KIAA0586: variants seen among roughly 807,000 people sequenced by gnomAD.
KIAA0586 encodes the protein KIAA0586, also known as protein TALPID3.
In KIAA0586, 144 loss-of-function variants were observed where a neutral mutation model predicts 169.8. That is an observed-to-expected ratio of 0.85 (90% confidence interval 0.74 to 0.97). KIAA0586 has a LOEUF of 0.97. KIAA0586 is among the 50% of genes least tolerant of loss of function. KIAA0586 has a pLI of 0.00. For missense variants in KIAA0586, 1,854 were observed against 1,823.0 expected, an observed-to-expected ratio of 1.02 and a Z score of -0.31; for synonymous variants, 625 against 612.4, an observed-to-expected ratio of 1.02 and a Z score of -0.30.
intron 10 of KIAA0586, 119 bp from the exon 11 acceptor site, chr14:58,457,640 A>C: frequency 1.6e-6 from 1 of 621,924 alleles, no homozygotes; most frequent in Non-Finnish European, 2.7e-6. Context: ...TCAGTTTGAC[A>C]AATTGAGTCC....
In KIAA0586 at chr14:58,482,573, C is replaced by T; in HGVS notation, c.3005C>T (p.Ser1002Leu). 1.2e-6 allele frequency: 2 copies of T among 1,601,124 alleles called. No homozygotes were observed. The highest frequency in any genetic ancestry group is 1.7e-6 in the Non-Finnish European group (2 of 1,172,920). ...LFVDAGVPVN[S>L]NVIKHFVNEA... Reference sequence around the variant, plus strand: ...GTTGATGCTGGTGTTCCTGTGAACTCAAATGTGATTAAACATTTTGTTAAC... The same window carrying T: ...GTTGATGCTGGTGTTCCTGTGAACTTAAATGTGATTAAACATTTTGTTAAC... The change falls in exon 21 of 31, where the codon TCA (serine) becomes TTA (leucine). Residue 1002 changes from serine (S) to leucine (L), a missense_variant. Transcript: ENST00000652326.
chr14:58,520,307 A>G (rs1452931393), intron 29 of KIAA0586, among the ~76,000 whole-genome samples: 1 of 152,098 alleles, frequency 6.6e-6, no homozygotes, highest in Non-Finnish European at 1.5e-5. Context: ...CATTTTCTTC[A>G]CCCTAAAAAG....
chr14:58,441,652 G>A (rs558509681), intron 4 of KIAA0586, among the ~76,000 whole-genome samples: 4 of 152,080 alleles, frequency 2.6e-5, no homozygotes, highest in African/African-American at 7.2e-5. Context: ...TATTTTTCTG[G>A]AGACAGAGTC....
chr14:58,509,710 G>A (rs908097124), intron 28 of KIAA0586, among the ~76,000 whole-genome samples: 1 of 152,110 alleles, frequency 6.6e-6, no homozygotes, highest in Non-Finnish European at 1.5e-5. Flanking sequence ...GGAAAAACTA[G>A]TTAATAATGA....
chr14:58,469,069 G>A (rs778705955), intron 16 of KIAA0586, among the ~76,000 whole-genome samples: 11 of 152,070 alleles, frequency 7.2e-5, no homozygotes, highest in Non-Finnish European at 1.2e-4. Context: ...CTGAACAAAC[G>A]AACTATCCAT....
rs377345634 is a variant in KIAA0586, at chr14:58,538,119, G to A, written c.4430-1952G>A. 1.2e-4 allele frequency among the ~76,000 whole-genome samples: 18 copies of A among 152,244 alleles called. 1 individual carries two copies. The East Asian group carries it at 2.7e-3, about 23-fold the overall frequency. On this transcript the variant is annotated intron_variant, in intron 29 of 30. Transcript: ENST00000652326. ...TGCAGTGAGCTATGATTGTACCACT[G>A]CACTCCAGCCTGGGTGACAGAATGA...
At chr14:58,447,083 T>C (rs988645418) in intron 6 of KIAA0586, among the ~76,000 whole-genome samples, 1 of 152,234 alleles carries the variant, frequency 6.6e-6, no homozygotes, top group Non-Finnish European at 1.5e-5. Context: ...AATTTAGATG[T>C]CTTACTTATA....
At chr14:58,503,771 C>A (rs1323180434) in intron 27 of KIAA0586, among the ~76,000 whole-genome samples, 3 of 149,624 alleles carry the variant, frequency 2.0e-5, no homozygotes, top group Non-Finnish European at 4.4e-5. Flanking sequence ...TGAGGAGGGA[C>A]CTTTCAGACA....
rs985734946 is a variant in KIAA0586 at position 58,549,824 on chromosome 14, A to T, written c.*1892A>T. The T allele has an allele frequency of 7.2e-5, 11 of 152,284 alleles. No individual in the cohort carries two copies. The highest frequency in any genetic ancestry group is 6.8e-3 in the Middle Eastern group (2 of 294). 9.4% of individuals were successfully genotyped at this position (152,284 alleles called of 1,614,324 possible). A position where few individuals can be genotyped will look rare whatever the true frequency, so the allele number is the denominator to read the frequency against. The stretch of plus-strand genomic sequence containing the variant: ...GTTTTTTCTGCCTTGGAAGGATTTC[A>T]GCAAAATCTTGTTTTAGTTAAAGCA... On this transcript the variant is annotated 3_prime_UTR_variant, in exon 31 of 31. Coordinates refer to ENST00000652326, the MANE Select transcript of KIAA0586 (RefSeq NM_001329943.3).
At chr14:58,449,436 G>A (rs746630946) in intron 7 of KIAA0586, among the ~76,000 whole-genome samples, 12 of 152,168 alleles carry the variant, frequency 7.9e-5, no homozygotes, top group African/African-American at 2.7e-4. Context: ...GGCTGAGGTC[G>A]GAGGATTGCC....
At chr14:58,489,019 T>A in intron 24 of KIAA0586, 145 bp downstream of exon 24, 1 of 841,346 alleles carries the variant, frequency 1.2e-6, no homozygotes, top group Non-Finnish European at 1.8e-6. Flanking sequence ...GCAATTTAGT[T>A]AACTTTTCTG....
chr14:58,472,121 A>C (rs1359708294), intron 17 of KIAA0586, 78 bp from the exon 18 acceptor site: 1 of 641,544 alleles, frequency 1.6e-6, no homozygotes, highest in Admixed American at 3.6e-5. Flanking sequence ...CTTATACTAT[A>C]GGTGGAAATA....
At chr14:58,520,832 T>A in intron 29 of KIAA0586, 1 of 159,278 alleles carries the variant, frequency 6.3e-6, no homozygotes, top group Admixed American at 6.2e-5. Context: ...GGCAACATAA[T>A]GTTTTCAAGG....
the KIAA0586 span, among the ~76,000 whole-genome samples, chr14:58,557,896 G>T: frequency 2.8e-5 from 2 of 71,672 alleles, no homozygotes; most frequent in African/African-American, 1.3e-4. Context: ...GCAATCCTGA[G>T]AAATCTTTTT....
chr14:58,428,644 A>G (rs2037069224), intron 1 of KIAA0586, among the ~76,000 whole-genome samples, 181 bp downstream of exon 1: 1 of 151,344 alleles, frequency 6.6e-6, no homozygotes, highest in Admixed American at 6.6e-5. Flanking sequence ...GAATGAATGA[A>G]ACTTTAACGT....
intron 4 of KIAA0586, among the ~76,000 whole-genome samples, chr14:58,436,507 G>A (rs2037832428): frequency 6.6e-6 from 1 of 152,074 alleles, no homozygotes; most frequent in African/African-American, 2.4e-5. Flanking sequence ...AAAAATACAA[G>A]TTATTACAAA....
chr14:58,498,166 G>A (rs1011962439), intron 26 of KIAA0586, among the ~76,000 whole-genome samples: 14 of 151,882 alleles, frequency 9.2e-5, no homozygotes, highest in African/African-American at 2.4e-4. Context: ...ATGAGCCACC[G>A]TGCCCAGCTG....
At chr14:58,455,596 A>G (rs548480411) in intron 9 of KIAA0586, among the ~76,000 whole-genome samples, 17 of 152,206 alleles carry the variant, frequency 1.1e-4, no homozygotes, top group African/African-American at 3.9e-4. Flanking sequence ...TTGTTAGCTT[A>G]GTCTGCCAGT....
chr14:58,441,585 A>C (rs926386125), intron 4 of KIAA0586, among the ~76,000 whole-genome samples: 4 of 152,204 alleles, frequency 2.6e-5, no homozygotes, highest in Admixed American at 2.6e-4. Flanking sequence ...TGAAGGTAAT[A>C]AGTTATCTCA....
Sources: gnomAD v4.1 joint callset for allele counts (sites outside exome capture counted in the v4.1 genomes callset) on GRCh38, gnomAD v4.1.1 for gene constraint, MANE v1.5 for transcripts, NCBI Gene and HGNC (gene_info 2026-07-23, HGNC 2026-07-21) for gene names.